Variants in BMP6 observed in about 807,000 individuals in gnomAD.
BMP6 encodes VG-1-R.
Under a neutral mutation model 54.1 loss-of-function variants are expected in BMP6, and 17 were observed. The ratio of observed to expected loss-of-function variants is 0.31; its 90% CI spans 0.22 to 0.47. The LOEUF (loss-of-function observed/expected upper bound fraction) is 0.47, where lower values mean the gene tolerates loss of function less well. BMP6 is among the 20% of genes least tolerant of loss of function. The pLI, the probability that BMP6 is intolerant of heterozygous loss-of-function variation, is 1.00. For synonymous variants in BMP6, 328 were observed against 291.2 expected, an observed-to-expected ratio of 1.13 and a Z score of -1.28; for missense variants, 720 against 690.4, an observed-to-expected ratio of 1.04 and a Z score of -0.48.
intron 1 of BMP6, among the ~76,000 whole-genome samples, chr6:7,834,804 A>C (rs1315003057): frequency 6.6e-6 from 1 of 152,260 alleles, no homozygotes; most frequent in African/African-American, 2.4e-5. Flanking sequence ...AGATCGGGAG[A>C]TAAATGGTGT....
chr6:7,872,804 CTTTTTTTTTCTTTTT>C (rs1413486105), intron 4 of BMP6, among the ~76,000 whole-genome samples: 1 of 114,526 alleles, frequency 8.7e-6, no homozygotes, highest in Non-Finnish European at 1.7e-5. Flanking sequence ...CAATCCAATT[CTTTTTTTTTCTTTTT>C]TTTTTTTTTT....
At chr6:7,761,431 T>C (rs1368252640) in intron 1 of BMP6, among the ~76,000 whole-genome samples, 2 of 152,350 alleles carry the variant, frequency 1.3e-5, no homozygotes, top group Non-Finnish European at 2.9e-5. Flanking sequence ...GCATTTCTCT[T>C]CTTGTAAGAT....
At chr6:7,852,359 G>A (rs1759156973) in intron 2 of BMP6, among the ~76,000 whole-genome samples, 1 of 152,294 alleles carries the variant, frequency 6.6e-6, no homozygotes, top group South Asian at 2.1e-4. Context: ...GATTGCCTGA[G>A]CCTAGGAGTT....
chr6:7,809,109 C>A (rs1414409098), intron 1 of BMP6, among the ~76,000 whole-genome samples: 1 of 37,116 alleles, frequency 2.7e-5, no homozygotes, highest in Non-Finnish European at 4.1e-5. Flanking sequence ...GTACCCCCCA[C>A]CCCCCCCCAA....
At chr6:7,782,196 A>G (rs1757958925) in intron 1 of BMP6, among the ~76,000 whole-genome samples, 1 of 151,798 alleles carries the variant, frequency 6.6e-6, no homozygotes. Context: ...CAGCTTGCCA[A>G]CCTGGAAGGG....
intron 1 of BMP6, among the ~76,000 whole-genome samples, chr6:7,729,564 G>A (rs1315224456): frequency 1.3e-5 from 2 of 152,152 alleles, no homozygotes; most frequent in Non-Finnish European, 2.9e-5. Flanking sequence ...GCCGCTTCGT[G>A]GGCCCAGATC....
intron 1 of BMP6, among the ~76,000 whole-genome samples, chr6:7,746,981 G>T (rs1757356779): frequency 6.6e-6 from 1 of 152,172 alleles, no homozygotes; most frequent in Non-Finnish European, 1.5e-5. Flanking sequence ...CCTGGGGGTG[G>T]GGATTGGTCA....
At position 7,864,912 on chromosome 6, in the gene BMP6, C is replaced by T. The variant is rs1021268539; in HGVS notation, c.1204+2414C>T. The stretch of plus-strand genomic sequence containing the variant: ...CTTCGGGCTATGATGATGAAGTCTG[C>T]CAATGGTAGGCTTCAATTTATTAAT... On this transcript the variant is annotated intron_variant, in intron 4 of 6. Coordinates refer to ENST00000283147, the MANE Select transcript of BMP6 (RefSeq NM_001718.6). Among the ~76,000 whole-genome samples the T allele has an allele frequency of 2.6e-5, 4 of 151,974 alleles. No individual in the cohort carries two copies. In the East Asian group the frequency reaches 5.8e-4, roughly 22 times the overall value.
rs139923734 is a variant in BMP6 at position 7,759,527 on chromosome 6, A to G, written c.664+31908A>G. Among the ~76,000 whole-genome samples, 26 of 152,218 alleles carry G rather than the reference A, an allele frequency of 1.7e-4. No homozygotes were observed. The East Asian group carries it at 4.8e-3, about 28-fold the overall frequency. Reference sequence around the variant, plus strand: ...AGACCCTAGTTTTGCCTCATCAGCAAAACACATGCTCTTTAAGGCCCTTAT... The same window carrying G: ...AGACCCTAGTTTTGCCTCATCAGCAGAACACATGCTCTTTAAGGCCCTTAT... On this transcript the variant is annotated intron_variant, in intron 1 of 6. Transcript: ENST00000283147.
At position 7,730,755 on chromosome 6, in the gene BMP6, C is replaced by T. The variant is rs547186826; in HGVS notation, c.664+3136C>T. Among the ~76,000 whole-genome samples the T allele has an allele frequency of 1.1e-4, 17 of 152,318 alleles. No homozygotes were observed. In the South Asian group the frequency reaches 3.5e-3, roughly 32 times the overall value. On this transcript the variant is annotated intron_variant, in intron 1 of 6. Transcript: ENST00000283147. ...GGGATACTAGAGAATTACAGATTTC[C>T]TAATTGCTGTCAATGCCATGTTAAC...
At chr6:7,815,514 CCTA>C (rs1758511994) in intron 1 of BMP6, among the ~76,000 whole-genome samples, 1 of 152,100 alleles carries the variant, frequency 6.6e-6, no homozygotes. Context: ...ATAAATAGTA[CCTA>C]CTGTTACTTT....
chr6:7,782,199 T>C (rs1364505333), intron 1 of BMP6, among the ~76,000 whole-genome samples: 1 of 143,212 alleles, frequency 7.0e-6, no homozygotes, highest in African/African-American at 2.5e-5. Flanking sequence ...CTTGCCAACC[T>C]GGAAGGGAGG....
intron 1 of BMP6, among the ~76,000 whole-genome samples, chr6:7,754,807 C>T: frequency 6.6e-6 from 1 of 151,948 alleles, no homozygotes; most frequent in Non-Finnish European, 1.5e-5. Flanking sequence ...AAGCTCCGCC[C>T]CCCAGGTTCA....
chr6:7,803,756 T>C (rs1321144298), intron 1 of BMP6, among the ~76,000 whole-genome samples: 1 of 152,182 alleles, frequency 6.6e-6, no homozygotes, highest in Non-Finnish European at 1.5e-5. Context: ...TTTTTTCACA[T>C]TTAACTTGCG....
intron 1 of BMP6, among the ~76,000 whole-genome samples, chr6:7,813,456 TACAAA>T (rs1758470624): frequency 1.6e-4 from 1 of 6,118 alleles, no homozygotes; most frequent in African/African-American, 7.8e-4. Flanking sequence ...TCCCTGTCTC[TACAAA>T]AAAAAAAAAA....
chr6:7,787,862 ATCCT>A (rs113769442), intron 1 of BMP6, among the ~76,000 whole-genome samples: 2 of 152,302 alleles, frequency 1.3e-5, no homozygotes, highest in African/African-American at 4.8e-5. Flanking sequence ...TTCTAGAGCC[ATCCT>A]TCCTTTTTGC....
At chr6:7,762,970 T>C (rs1223589938) in intron 1 of BMP6, among the ~76,000 whole-genome samples, 1 of 152,238 alleles carries the variant, frequency 6.6e-6, no homozygotes, top group African/African-American at 2.4e-5. Context: ...GACTGTGAGA[T>C]GTAGCCACAG....
intron 1 of BMP6, among the ~76,000 whole-genome samples, chr6:7,746,770 C>T (rs748209020): frequency 2.0e-5 from 3 of 152,164 alleles, no homozygotes; most frequent in Admixed American, 6.5e-5. Flanking sequence ...TGTCATCTGC[C>T]GTCACGGTGC....
At chr6:7,806,384 G>A (rs2326996) in intron 1 of BMP6, among the ~76,000 whole-genome samples, 55,739 of 152,170 alleles carry the variant, frequency 0.37, 10,432 homozygotes, top group East Asian at 0.55. Flanking sequence ...GCCCATGTGA[G>A]GACATCTTTA....
Sources: allele counts gnomAD v4.1 joint callset (sites outside exome capture counted in the v4.1 genomes callset), GRCh38; gene constraint gnomAD v4.1.1; transcripts MANE v1.5; gene names NCBI Gene and HGNC (gene_info 2026-07-23, HGNC 2026-07-21).